MYH11: variants seen among roughly 807,000 people sequenced by gnomAD.
MYH11 encodes the protein myosin heavy chain 11.
A neutral mutation model predicts 246.6 loss-of-function variants in MYH11; 80 were observed. The observed-to-expected ratio is 0.32, with a 90% CI of 0.27 to 0.39. MYH11 has a LOEUF of 0.39. MYH11 is among the 10% of genes least tolerant of loss of function. The pLI is 1.00. For synonymous variants in MYH11, 1,071 were observed against 1,015.5 expected, an observed-to-expected ratio of 1.05 and a Z score of -1.04; for missense variants, 2,158 against 2,546.8, an observed-to-expected ratio of 0.85 and a Z score of 3.29.
intron 40 of MYH11, among the ~76,000 whole-genome samples, chr16:15,705,286 A>C (rs1023478901): frequency 6.6e-6 from 1 of 152,122 alleles, no homozygotes; most frequent in Non-Finnish European, 1.5e-5. Context: ...CTGGCCTCTG[A>C]GGTGGATTTT....
At chr16:15,713,244 T>C (rs972755966) in intron 40 of MYH11, 3 of 151,568 alleles carry the variant, frequency 2.0e-5, no homozygotes, top group African/African-American at 7.3e-5. Flanking sequence ...GGGTTCAGCA[T>C]AGAAATGGAA....
chr16:15,817,430 T>G (rs1235047092), intron 3 of MYH11, among the ~76,000 whole-genome samples: 1 of 152,010 alleles, frequency 6.6e-6, no homozygotes, highest in African/African-American at 2.4e-5. Context: ...AGACAGAGGT[T>G]GCAGTGAGCA....
At chr16:15,799,348 G>C (rs1028523916) in intron 3 of MYH11, among the ~76,000 whole-genome samples, 1 of 152,190 alleles carries the variant, frequency 6.6e-6, no homozygotes, top group Non-Finnish European at 1.5e-5. Flanking sequence ...AAGCACAGCA[G>C]GTGGACAGAG....
chr16:15,732,635 C>T lies in MYH11; in HGVS notation c.3580G>A (p.Val1194Ile). The T allele has an allele frequency of 3.1e-6, 5 of 1,614,262 alleles. No individual in the cohort carries two copies. The highest frequency in any genetic ancestry group is 3.4e-6 in the Non-Finnish European group (4 of 1,180,052). ...DEETRSHEAQ[V>I]QEMRQKHAQA... ...GCGTGTTTCTGCCTCATCTCCTGGA[C>T]CTGAGCCTCATGGGACCGCGTCTCT... Residue 1194 changes from valine (V) to isoleucine (I), a missense_variant, in exon 27 of 41, where the codon GTC becomes ATC. Val to Ile is a conservative substitution (Grantham distance 29, BLOSUM62 3). Transcript: ENST00000300036.
intron 31 of MYH11, 182 bp from the exon 32 acceptor site, chr16:15,721,816 A>G: frequency 1.5e-6 from 1 of 646,050 alleles, no homozygotes; most frequent in Non-Finnish European, 2.7e-6. Context: ...CATCAACCTT[A>G]TGCAGAGCCA....
chr16:15,854,504 A>G (rs116103800), intron 1 of MYH11, among the ~76,000 whole-genome samples: 1,803 of 152,334 alleles, frequency 0.012, 40 homozygotes, highest in African/African-American at 0.038. Context: ...GCCAGTTAGA[A>G]TAACAGTATC....
intron 38 of MYH11, among the ~76,000 whole-genome samples, chr16:15,715,728 G>T (rs2040091974): frequency 6.6e-6 from 1 of 152,114 alleles, no homozygotes; most frequent in South Asian, 2.1e-4. Context: ...GTTCACTGCA[G>T]CCTTGAACTC....
intron 6 of MYH11, among the ~76,000 whole-genome samples, chr16:15,780,374 T>C (rs1052809861): frequency 1.3e-5 from 2 of 151,972 alleles, no homozygotes; most frequent in Non-Finnish European, 2.9e-5. Context: ...CTATATCCCT[T>C]ATGACTCTTC....
At chr16:15,833,280 G>C (rs777954142) in intron 2 of MYH11, among the ~76,000 whole-genome samples, 8 of 149,852 alleles carry the variant, frequency 5.3e-5, no homozygotes, top group Admixed American at 3.4e-4. Context: ...CTGGGCAACA[G>C]AGTAAGACCC....
chr16:15,782,530 T>C, intron 5 of MYH11, 53 bp from the exon 6 acceptor site: 1 of 1,448,972 alleles, frequency 6.9e-7, no homozygotes, highest in Non-Finnish European at 9.7e-7. Flanking sequence ...GTCCTGACAG[T>C]TCTACCTTGG....
At chr16:15,790,321 AACAAACAAACAG>A (rs1189543901) in intron 4 of MYH11, among the ~76,000 whole-genome samples, 9 of 148,654 alleles carry the variant, frequency 6.1e-5, no homozygotes, top group African/African-American at 2.3e-4. Flanking sequence ...CAAACAAACA[AACAAACAAACAG>A]ACAGACAAAA....
chr16:15,732,494 T>C, intron 27 of MYH11, 70 bp downstream of exon 27: 1 of 1,603,080 alleles, frequency 6.2e-7, no homozygotes, highest in Non-Finnish European at 8.5e-7. Context: ...GACCCTGACC[T>C]GTAGTAATTT....
chr16:15,711,533 C>T (rs917491343), intron 40 of MYH11, among the ~76,000 whole-genome samples: 10 of 151,966 alleles, frequency 6.6e-5, no homozygotes, highest in Non-Finnish European at 1.3e-4. Flanking sequence ...GTTTATTTGC[C>T]GTTATATTCA....
At chr16:15,759,816 G>A in intron 11 of MYH11, 88 bp from the exon 12 acceptor site, 1 of 1,534,330 alleles carries the variant, frequency 6.5e-7, no homozygotes, top group Non-Finnish European at 8.9e-7. Context: ...TTTTATTCTT[G>A]GCCGGGTGCA....
chr16:15,742,838 G>T (rs892584230), intron 20 of MYH11, among the ~76,000 whole-genome samples: 1 of 151,734 alleles, frequency 6.6e-6, no homozygotes, highest in Non-Finnish European at 1.5e-5. Context: ...TTTATTTAGC[G>T]ATGGTCTTGT....
At chr16:15,722,094 AG>A (rs1242234956) in intron 31 of MYH11, among the ~76,000 whole-genome samples, 1 of 152,084 alleles carries the variant, frequency 6.6e-6, no homozygotes, top group Non-Finnish European at 1.5e-5. Context: ...CTGACCCTCA[AG>A]TGAGCCTCCT....
At chr16:15,851,467 C>T (rs532172093) in intron 1 of MYH11, among the ~76,000 whole-genome samples, 3 of 152,156 alleles carry the variant, frequency 2.0e-5, no homozygotes, top group South Asian at 2.1e-4. Flanking sequence ...AATGCAAGAC[C>T]CCCACTTGTA....
chr16:15,741,087 G>A (rs751071232), intron 22 of MYH11: 19 of 371,864 alleles, frequency 5.1e-5, no homozygotes, highest in Admixed American at 1.1e-4. Context: ...ACCTCAGGCC[G>A]GACCCTCAGC....
intron 9 of MYH11, among the ~76,000 whole-genome samples, chr16:15,764,387 C>T (rs377057877): frequency 6.6e-6 from 1 of 151,828 alleles, no homozygotes; most frequent in Non-Finnish European, 1.5e-5. Flanking sequence ...CTCATGCCTG[C>T]GACCCCAGCA....
Sources: allele counts gnomAD v4.1 joint callset (sites outside exome capture counted in the v4.1 genomes callset), GRCh38; gene constraint gnomAD v4.1.1; transcripts MANE v1.5; gene names NCBI Gene and HGNC (gene_info 2026-07-23, HGNC 2026-07-21).